ALG5: variants seen among roughly 807,000 people sequenced by gnomAD.
ALG5 encodes ALG5 dolichyl-phosphate beta-glucosyltransferase.
Under a neutral mutation model 51.8 loss-of-function variants are expected in ALG5, and 26 were observed. The observed-to-expected ratio is 0.50, with a 90% confidence interval of 0.37 to 0.70. The LOEUF is 0.70. Among genes scored for constraint, ALG5 ranks in the 30% least tolerant of loss-of-function variants. The probability of loss-of-function intolerance (pLI) is 0.00; values close to 1 mark genes in which losing one functional copy is unlikely to be tolerated. For synonymous variants in ALG5, 141 were observed against 136.1 expected, an observed-to-expected ratio of 1.04 and a Z score of -0.25; for missense variants, 311 against 399.3, an observed-to-expected ratio of 0.78 and a Z score of 1.88.
chr13:36,972,354 G>T (rs192308142), intron 6 of ALG5, among the ~76,000 whole-genome samples: 1 of 152,138 alleles, frequency 6.6e-6, no homozygotes, highest in East Asian at 1.9e-4. Flanking sequence ...AGAAAGAAAA[G>T]GGTTATCTGT....
At chr13:36,997,811 A>G (rs1325167625) in intron 1 of ALG5, among the ~76,000 whole-genome samples, 1 of 152,204 alleles carries the variant, frequency 6.6e-6, no homozygotes, top group African/African-American at 2.4e-5. Flanking sequence ...GACTGTGAGT[A>G]ATGGAGAGTG....
intron 3 of ALG5, 88 bp downstream of exon 3, chr13:36,994,901 C>A: frequency 1.5e-5 from 18 of 1,181,512 alleles, no homozygotes; most frequent in Middle Eastern, 2.3e-4. Flanking sequence ...AGGACTGCCT[C>A]TCACAGTGCA....
intron 6 of ALG5, among the ~76,000 whole-genome samples, chr13:36,975,736 A>C (rs977578331): frequency 3.3e-5 from 5 of 152,160 alleles, no homozygotes; most frequent in African/African-American, 1.2e-4. Flanking sequence ...ATATGGGCCA[A>C]ATTTTCCTTT....
At chr13:36,997,716 G>T (rs1249222793) in intron 1 of ALG5, among the ~76,000 whole-genome samples, 1 of 152,030 alleles carries the variant, frequency 6.6e-6, no homozygotes, top group Non-Finnish European at 1.5e-5. Flanking sequence ...TTAAAAAGAA[G>T]GACCTTATCT....
chr13:36,958,178 C>G (rs1042277625), intron 8 of ALG5, among the ~76,000 whole-genome samples: 27 of 152,054 alleles, frequency 1.8e-4, no homozygotes, highest in African/African-American at 6.5e-4. Flanking sequence ...TGTTCTCTTA[C>G]CCCCTTTCAC....
In ALG5 at chr13:36,999,284, A is replaced by T; in HGVS notation, c.17T>A (p.Leu6Ter). 2.5e-6 allele frequency: 4 copies of T among 1,579,514 alleles called. No individual in the cohort carries two copies. The highest frequency in any genetic ancestry group is 3.4e-6 in the Non-Finnish European group (4 of 1,165,688). Residue 6 changes from leucine (L) to a stop codon, truncating the protein, a stop_gained, in exon 1 of 10, where the codon TTG (leucine) becomes TAG (stop). Transcript: ENST00000239891. LOFTEE classifies it high-confidence loss of function. The part of the protein sequence containing the change: MAPLL[L>*]QLAVLGAALA... ...CGCCGCGCCGAGCACCGCCAGCTGC[A>T]ACAGAAGCGGAGCCATTCTCCATGC... is the stretch of plus-strand genomic sequence containing the variant.
At chr13:36,955,204 CAA>C (rs2058834241) in intron 8 of ALG5, among the ~76,000 whole-genome samples, 1 of 152,156 alleles carries the variant, frequency 6.6e-6, no homozygotes, top group African/African-American at 2.4e-5. Flanking sequence ...ATGACCTGTC[CAA>C]AAGACAATGC....
intron 6 of ALG5, among the ~76,000 whole-genome samples, chr13:36,981,645 G>A (rs2058979749): frequency 6.6e-6 from 1 of 152,178 alleles, no homozygotes; most frequent in South Asian, 2.1e-4. Context: ...CCAGTATAGA[G>A]ATGGAGAGAC....
intron 6 of ALG5, among the ~76,000 whole-genome samples, chr13:36,979,833 G>C (rs1432715901): frequency 6.6e-6 from 1 of 152,142 alleles, no homozygotes; most frequent in Non-Finnish European, 1.5e-5. Context: ...GACTGCTTGA[G>C]GTCAGGAGTT....
At chr13:36,953,313 G>A (rs2058826202) in intron 8 of ALG5, among the ~76,000 whole-genome samples, 1 of 152,000 alleles carries the variant, frequency 6.6e-6, no homozygotes, top group Non-Finnish European at 1.5e-5. Flanking sequence ...TTCCACTTAC[G>A]AAAGGTCTTT....
intron 7 of ALG5, among the ~76,000 whole-genome samples, chr13:36,970,150 C>A (rs1374615520): frequency 2.0e-5 from 3 of 151,638 alleles, no homozygotes; most frequent in Non-Finnish European, 2.9e-5. Flanking sequence ...ATCCCCCGTG[C>A]GTTGTTAAAC....
rs376876612 is a variant in ALG5, at chr13:36,974,433, T to C, written c.562-2397A>G. On this transcript the variant is annotated intron_variant, in intron 6 of 9. Coordinates refer to ENST00000239891, the MANE Select transcript of ALG5 (RefSeq NM_013338.5). ...AATTAAAGAGAAAACTCATGAATTA[T>C]CTTACTACCTAAAAGCAGCCACTGT... is the stretch of plus-strand genomic sequence containing the variant. Among the ~76,000 whole-genome samples the C allele has an allele frequency of 3.9e-5, 6 of 152,340 alleles. No homozygotes were observed. The East Asian group carries it at 1.2e-3, about 29-fold the overall frequency.
chr13:36,952,755 T>C, intron 8 of ALG5, 156 bp from the exon 9 acceptor site: 1 of 476,368 alleles, frequency 2.1e-6, no homozygotes, highest in South Asian at 4.2e-5. Context: ...AATTCAAAGC[T>C]GAGTAGTTCA....
intron 8 of ALG5, among the ~76,000 whole-genome samples, chr13:36,955,214 T>C (rs1402772119): frequency 6.6e-6 from 1 of 152,206 alleles, no homozygotes; most frequent in East Asian, 1.9e-4. Context: ...CAAAAGACAA[T>C]GCCAGTTGGG....
intron 9 of ALG5, 38 bp from the exon 10 acceptor site, chr13:36,950,095 A>T: frequency 7.6e-7 from 1 of 1,310,738 alleles, no homozygotes; most frequent in Non-Finnish European, 1.1e-6. Context: ...ATTAGCTTAA[A>T]TAAACTCAGC....
At chr13:36,967,348 G>A (rs1352494949) in intron 7 of ALG5, among the ~76,000 whole-genome samples, 4 of 152,102 alleles carry the variant, frequency 2.6e-5, no homozygotes, top group African/African-American at 9.7e-5. Flanking sequence ...AGCCCTCTAA[G>A]TCCATTTCCT....
intron 1 of ALG5, among the ~76,000 whole-genome samples, chr13:36,997,462 G>T (rs562521153): frequency 8.3e-4 from 33 of 39,842 alleles, no homozygotes; most frequent in Non-Finnish European, 8.6e-4. Context: ...GCCAGACTCC[G>T]TCTCAAAAAA....
chr13:36,963,097 C>A (rs1185318931), intron 8 of ALG5, among the ~76,000 whole-genome samples: 1 of 152,056 alleles, frequency 6.6e-6, no homozygotes, highest in African/African-American at 2.4e-5. Flanking sequence ...GGCGTGCACA[C>A]CACCACACCA....
rs541706192 is a variant in ALG5 at position 36,970,423 on chromosome 13, G to A, written c.621+1554C>T. 6.6e-5 allele frequency among the ~76,000 whole-genome samples: 10 copies of A among 151,980 alleles called. No homozygotes were observed. In the South Asian group the frequency reaches 2.1e-3, roughly 32 times the overall value. On this transcript the variant is annotated intron_variant, in intron 7 of 9. Coordinates refer to ENST00000239891, the MANE Select transcript of ALG5 (RefSeq NM_013338.5). ...GGTCAGGAGTTCGAGACCAAATGGT[G>A]AAACTGCCTCTACTAAAAATACAAA...
Sources: allele counts gnomAD v4.1 joint callset (sites outside exome capture counted in the v4.1 genomes callset), GRCh38; gene constraint gnomAD v4.1.1; transcripts MANE v1.5; gene names NCBI Gene and HGNC (gene_info 2026-07-23, HGNC 2026-07-21).